RALGPS2: variants seen among roughly 807,000 people sequenced by gnomAD.
RALGPS2 encodes ras-specific guanine nucleotide-releasing factor RalGPS2.
In RALGPS2, 43 loss-of-function variants were observed where a neutral mutation model predicts 86.8. The observed-to-expected ratio is 0.50, with a 90% confidence interval of 0.39 to 0.64. The LOEUF (loss-of-function observed/expected upper bound fraction) is 0.64. Among genes scored for constraint, RALGPS2 ranks in the 30% least tolerant of loss-of-function variants. The pLI is 0.00. For synonymous variants in RALGPS2, 243 were observed against 231.3 expected (o/e 1.05, Z -0.46); for missense variants, 536 against 694.6 (o/e 0.77, Z 2.57).
chr1:178,903,307 T>C (rs1660255713), intron 18 of RALGPS2, among the ~76,000 whole-genome samples: 2 of 152,154 alleles, frequency 1.3e-5, no homozygotes, highest in South Asian at 4.1e-4. Flanking sequence ...AATGTCTTCT[T>C]TTTAGATTAA....
At chr1:178,731,043 A>G (rs1650317464) in intron 1 of RALGPS2, among the ~76,000 whole-genome samples, 1 of 152,082 alleles carries the variant, frequency 6.6e-6, no homozygotes, top group Non-Finnish European at 1.5e-5. Context: ...CTCTGGATCC[A>G]TATCCTCCGC....
At chr1:178,812,928 C>CTTTTTTTTTTTTT (rs397844555) in intron 6 of RALGPS2, among the ~76,000 whole-genome samples, 1 of 106,852 alleles carries the variant, frequency 9.4e-6, no homozygotes, top group African/African-American at 3.7e-5. Context: ...TAGGTAAATA[C>CTTTTTTTTTTTTT]TTTTTTTTTT....
chr1:178,886,667 G>A (rs1304003157), intron 13 of RALGPS2, among the ~76,000 whole-genome samples: 1 of 152,082 alleles, frequency 6.6e-6, no homozygotes, highest in Non-Finnish European at 1.5e-5. Context: ...GATTGGTTGA[G>A]GGTACCTAAA....
At chr1:178,850,483 A>G (rs1657099048) in intron 8 of RALGPS2, 1 of 151,974 alleles carries the variant, frequency 6.6e-6, no homozygotes, top group Non-Finnish European at 1.5e-5. Context: ...GACCATTTAA[A>G]TTATGCATGC....
chr1:178,837,829 T>C (rs1266114899), intron 8 of RALGPS2, among the ~76,000 whole-genome samples: 1 of 152,198 alleles, frequency 6.6e-6, no homozygotes, highest in Non-Finnish European at 1.5e-5. Context: ...ACTCCCACCC[T>C]AATACTGCAC....
intron 8 of RALGPS2, among the ~76,000 whole-genome samples, chr1:178,864,386 C>T (rs1658242168): frequency 6.6e-6 from 1 of 152,004 alleles, no homozygotes; most frequent in South Asian, 2.1e-4. Context: ...GGCAAGAAGG[C>T]ATGGCTTTTG....
Position 178,919,185 on chromosome 1 carries a change from T to C in RALGPS2, c.*2826T>C, listed in dbSNP as rs1056612101. 6.6e-6 allele frequency: 1 copy of C among 152,076 alleles called. No individual in the cohort carries two copies. The highest frequency in any genetic ancestry group is 2.4e-5 in the African/African-American group (1 of 41,446). The allele number at this position is 152,076 out of a possible 1,614,324, so 9.4% of individuals were successfully genotyped here. A position where few individuals can be genotyped will look rare whatever the true frequency, so the allele number is the denominator to read the frequency against. On this transcript the variant is annotated 3_prime_UTR_variant, in exon 20 of 20. Coordinates refer to ENST00000367635, the MANE Select transcript of RALGPS2 (RefSeq NM_152663.5). Reference sequence around the variant, plus strand: ...CAGACAGTAAGAATTGAACAAGAACTGATCAAACACACCTTCCTATTTTGT... The same window carrying C: ...CAGACAGTAAGAATTGAACAAGAACCGATCAAACACACCTTCCTATTTTGT...
chr1:178,864,702 G>A (rs556917101), intron 8 of RALGPS2, among the ~76,000 whole-genome samples: 2 of 152,056 alleles, frequency 1.3e-5, no homozygotes, highest in African/African-American at 4.8e-5. Flanking sequence ...GTAGCCCCTC[G>A]ATCATAAGAA....
chr1:178,851,275 C>T (rs753694956), intron 8 of RALGPS2: 24 of 1,613,220 alleles, frequency 1.5e-5, no homozygotes, highest in Non-Finnish European at 1.8e-5. Flanking sequence ...TGTGCACAGG[C>T]ATTGTACCAC....
chr1:178,736,180 T>G (rs202060275), intron 1 of RALGPS2, among the ~76,000 whole-genome samples: 15 of 151,594 alleles, frequency 9.9e-5, no homozygotes, highest in African/African-American at 3.6e-4. Flanking sequence ...TTTTTTTTTT[T>G]TCTGAGACAG....
intron 8 of RALGPS2, chr1:178,852,619 G>A (rs1657247912): frequency 1.3e-6 from 2 of 1,507,328 alleles, no homozygotes; most frequent in South Asian, 2.6e-5. Flanking sequence ...ATATATATTA[G>A]TAGATTCTAT....
intron 1 of RALGPS2, among the ~76,000 whole-genome samples, chr1:178,740,049 G>C (rs1650930150): frequency 6.6e-6 from 1 of 152,200 alleles, no homozygotes; most frequent in South Asian, 2.1e-4. Flanking sequence ...ATGGAGTATG[G>C]CAACCTTTGA....
At chr1:178,792,687 C>G (rs16853347) in intron 4 of RALGPS2, among the ~76,000 whole-genome samples, 3,764 of 152,262 alleles carry the variant, frequency 0.025, 150 homozygotes, top group African/African-American at 0.086. Flanking sequence ...TTGGCCCAAG[C>G]TGCGTGACCA....
intron 15 of RALGPS2, 81 bp from the exon 16 acceptor site, chr1:178,893,838 A>G: frequency 1.1e-6 from 1 of 879,976 alleles, no homozygotes; most frequent in South Asian, 1.7e-5. Context: ...AAAATTAAGA[A>G]TAATTACATT....
In RALGPS2 at chr1:178,843,668, GAA is replaced by G. The variant is rs1471656382; in HGVS notation, c.607+10120_607+10121del. Among the ~76,000 whole-genome samples the G allele has an allele frequency of 3.4e-5, 5 of 145,574 alleles. No individual in the cohort carries two copies. In the East Asian group the frequency reaches 8.1e-4, roughly 24 times the overall value. ...TAAAGTATAATTAAAAAAAAAAAAA[GAA>G]AGAAAGAAACCAAAAAGGGAAAAAA... On this transcript the variant is annotated intron_variant, in intron 8 of 19. Coordinates refer to ENST00000367635, the MANE Select transcript of RALGPS2 (RefSeq NM_152663.5).
At chr1:178,907,196 G>A (rs1660421830) in intron 19 of RALGPS2, among the ~76,000 whole-genome samples, 1 of 152,156 alleles carries the variant, frequency 6.6e-6, no homozygotes, top group African/African-American at 2.4e-5. Context: ...GTATTGACAA[G>A]AACCACAAGA....
chr1:178,865,691 T>C (rs1572426240), intron 8 of RALGPS2: 3 of 1,614,068 alleles, frequency 1.9e-6, no homozygotes, highest in Non-Finnish European at 2.5e-6. Flanking sequence ...GTTTATTTTT[T>C]TAATTTTGAA....
intron 4 of RALGPS2, among the ~76,000 whole-genome samples, chr1:178,805,730 C>G (rs1478732305): frequency 1.3e-5 from 2 of 152,096 alleles, no homozygotes; most frequent in Non-Finnish European, 2.9e-5. Flanking sequence ...TATATTCTCT[C>G]CCCCCATTTA....
rs190532007 is a variant in RALGPS2, at chr1:178,851,123, C to T, written c.607+17573C>T. 4.4e-6 allele frequency: 7 copies of T among 1,608,896 alleles called. No homozygotes were observed. In the East Asian group the frequency reaches 1.6e-4, roughly 36 times the overall value. On this transcript the variant is annotated intron_variant, in intron 8 of 19. Transcript: ENST00000367635. ...CTGTGTCATTTAAATTGGCGAGTGTCTCTCTTCAGTCAATAGGCTTGATCA... is the reference window on the plus strand; with the variant it reads ...CTGTGTCATTTAAATTGGCGAGTGTTTCTCTTCAGTCAATAGGCTTGATCA...
Sources: gnomAD v4.1 joint callset for allele counts (sites outside exome capture counted in the v4.1 genomes callset) on GRCh38, gnomAD v4.1.1 for gene constraint, MANE v1.5 for transcripts, NCBI Gene and HGNC (gene_info 2026-07-23, HGNC 2026-07-21) for gene names.